ARL15: variants seen among roughly 807,000 people sequenced by gnomAD.
ARL15 encodes ADP-ribosylation factor-like protein 15.
ARL15 carries 19 observed loss-of-function variants against 25.2 expected under a neutral mutation model. The ratio of observed to expected loss-of-function variants is 0.75; its 90% CI spans 0.53 to 1.10. The LOEUF (loss-of-function observed/expected upper bound fraction) is 1.10. Ranked by LOEUF, ARL15 falls within the 50% of genes least tolerant of loss-of-function variation. The probability of loss-of-function intolerance (pLI) is 0.00; values close to 1 mark genes in which losing one functional copy is unlikely to be tolerated. For missense variants in ARL15, 220 were observed against 246.0 expected, an observed-to-expected ratio of 0.89 and a Z score of 0.71; for synonymous variants, 94 against 86.8, an observed-to-expected ratio of 1.08 and a Z score of -0.46.
intron 1 of ARL15, among the ~76,000 whole-genome samples, chr5:54,256,015 G>C (rs1757351918): frequency 6.8e-6 from 1 of 146,906 alleles, no homozygotes; most frequent in Non-Finnish European, 1.5e-5. Context: ...AGGAACTAGA[G>C]ACAAAAGAAA....
chr5:54,204,729 C>T (rs188569155), intron 1 of ARL15, among the ~76,000 whole-genome samples: 2 of 152,050 alleles, frequency 1.3e-5, no homozygotes, highest in Admixed American at 1.3e-4. Flanking sequence ...AAAAGCACAC[C>T]GTAGGTATTG....
chr5:54,007,658 T>C (rs1749089597), intron 4 of ARL15, among the ~76,000 whole-genome samples: 1 of 152,206 alleles, frequency 6.6e-6, no homozygotes, highest in East Asian at 1.9e-4. Flanking sequence ...ATAAAAAAAC[T>C]TGGCCAGTTT....
chr5:54,144,706 G>C (rs901772969), intron 3 of ARL15, among the ~76,000 whole-genome samples: 1 of 152,090 alleles, frequency 6.6e-6, no homozygotes, highest in Non-Finnish European at 1.5e-5. Flanking sequence ...TCTGTTTCCA[G>C]TGATTAATAG....
chr5:53,918,193 A>G (rs1745719599), intron 4 of ARL15, among the ~76,000 whole-genome samples: 1 of 152,066 alleles, frequency 6.6e-6, no homozygotes, highest in Admixed American at 6.6e-5. Context: ...TTATTTATTT[A>G]TTTATTTATT....
intron 4 of ARL15, among the ~76,000 whole-genome samples, chr5:53,989,705 C>A (rs1410001047): frequency 1.3e-5 from 2 of 152,056 alleles, no homozygotes; most frequent in East Asian, 3.9e-4. Flanking sequence ...GATAACTTTT[C>A]TCTGTAGGAA....
chr5:54,242,659 G>A (rs1756989676), intron 1 of ARL15, among the ~76,000 whole-genome samples: 2 of 152,174 alleles, frequency 1.3e-5, no homozygotes, highest in Non-Finnish European at 2.9e-5. Flanking sequence ...ACCAGGAAGG[G>A]AAGCCTCTTC....
At chr5:54,028,879 A>T (rs1579715892) in intron 4 of ARL15, among the ~76,000 whole-genome samples, 1 of 152,134 alleles carries the variant, frequency 6.6e-6, no homozygotes, top group African/African-American at 2.4e-5. Context: ...AAAATTAACC[A>T]GGTATGGTGG....
At chr5:54,119,652 A>G (rs527584543) in intron 3 of ARL15, among the ~76,000 whole-genome samples, 32 of 152,048 alleles carry the variant, frequency 2.1e-4, no homozygotes, top group Non-Finnish European at 4.3e-4. Context: ...CATTCCTACC[A>G]TGTTCCTCTG....
intron 2 of ARL15, among the ~76,000 whole-genome samples, chr5:54,168,947 T>C (rs559747004): frequency 4.6e-5 from 7 of 152,278 alleles, no homozygotes; most frequent in African/African-American, 1.7e-4. Flanking sequence ...CTAACCTGGG[T>C]GTAAACTTCT....
chr5:54,263,903 G>C (rs569483820), intron 1 of ARL15, among the ~76,000 whole-genome samples: 1 of 152,098 alleles, frequency 6.6e-6, no homozygotes, highest in South Asian at 2.1e-4. Flanking sequence ...CCCTGTCTCA[G>C]TTAAAAGCAT....
chr5:54,127,465 T>C (rs574874261), intron 3 of ARL15, among the ~76,000 whole-genome samples: 9 of 151,918 alleles, frequency 5.9e-5, no homozygotes, highest in East Asian at 1.9e-4. Context: ...TTACAAGGGA[T>C]GTGAAGGACC....
intron 3 of ARL15, among the ~76,000 whole-genome samples, chr5:54,122,972 ATATT>A: frequency 6.6e-6 from 1 of 152,212 alleles, no homozygotes; most frequent in Non-Finnish European, 1.5e-5. Context: ...CAGGCCATTG[ATATT>A]TATTGATTAA....
chr5:53,926,257 G>A (rs549177568), intron 4 of ARL15, among the ~76,000 whole-genome samples: 25 of 152,140 alleles, frequency 1.6e-4, no homozygotes, highest in Middle Eastern at 3.4e-3. Context: ...GCAGAGATGC[G>A]GGCAGGAGGT....
At position 53,977,309 on chromosome 5, in the gene ARL15, C is replaced by T. The variant is rs542217445; in HGVS notation, c.463-90596G>A. ...AGGCGGAGCTTGCGTGAGCCGAGAT[C>T]GCGCCACTGCACTCCAGCCTGAGCA... On this transcript the variant is annotated intron_variant, in intron 4 of 4. Coordinates refer to ENST00000504924, the MANE Select transcript of ARL15 (RefSeq NM_019087.3). Among the ~76,000 whole-genome samples, 40 of 147,362 alleles carry T rather than the reference C, an allele frequency of 2.7e-4. No individual in the cohort carries two copies. The South Asian group carries it at 8.0e-3, about 30-fold the overall frequency.
intron 4 of ARL15, among the ~76,000 whole-genome samples, chr5:53,951,213 T>C (rs919125825): frequency 1.1e-4 from 17 of 152,232 alleles, no homozygotes; most frequent in African/African-American, 3.9e-4. Flanking sequence ...ACTTTGAGTA[T>C]GGCCTACAAA....
At chr5:54,176,204 T>C (rs1187132387) in intron 1 of ARL15, among the ~76,000 whole-genome samples, 1 of 152,214 alleles carries the variant, frequency 6.6e-6, no homozygotes, top group African/African-American at 2.4e-5. Context: ...GCTAGATTGA[T>C]AGTTATTACA....
At chr5:54,291,353 A>G (rs1008684036) in intron 1 of ARL15, among the ~76,000 whole-genome samples, 2 of 152,218 alleles carry the variant, frequency 1.3e-5, no homozygotes, top group Non-Finnish European at 2.9e-5. Context: ...AAATGCTGTA[A>G]TATTTGCATG....
At chr5:54,141,395 C>CT (rs1414820675) in intron 3 of ARL15, among the ~76,000 whole-genome samples, 1 of 151,944 alleles carries the variant, frequency 6.6e-6, no homozygotes, top group Non-Finnish European at 1.5e-5. Flanking sequence ...TTACCTTAAT[C>CT]TGTCTAGAAT....
Position 54,111,889 on chromosome 5 carries a change from A to C in ARL15, c.462+1313T>G, listed in dbSNP as rs16882238. ...ATGCTGAGAAGTTAAAAGATTTACA[A>C]ACTAAGGTCTTAAAAGCACATTAGG... On this transcript the variant is annotated intron_variant, in intron 4 of 4. Transcript: ENST00000504924. 8.7e-3 allele frequency among the ~76,000 whole-genome samples: 1,329 copies of C among 152,260 alleles called. 53 individuals are homozygous for C. The highest frequency in any genetic ancestry group is 0.067 in the Admixed American group (1,017 of 15,290).
Sources: gnomAD v4.1 joint callset for allele counts (sites outside exome capture counted in the v4.1 genomes callset) on GRCh38, gnomAD v4.1.1 for gene constraint, MANE v1.5 for transcripts, NCBI Gene and HGNC (gene_info 2026-07-23, HGNC 2026-07-21) for gene names.